ZBTB7C: variants seen among roughly 807,000 people sequenced by gnomAD.
ZBTB7C encodes the protein zinc finger and BTB domain-containing protein 7C.
ZBTB7C carries 8 observed loss-of-function variants against 25.7 expected under a neutral mutation model. That is an observed-to-expected ratio of 0.31 (90% CI 0.18 to 0.56). The LOEUF is 0.56. Ranked by LOEUF, ZBTB7C falls within the 20% of genes least tolerant of loss-of-function variation. The probability of loss-of-function intolerance (pLI) is 0.91; values close to 1 mark genes in which losing one functional copy is unlikely to be tolerated. For synonymous variants in ZBTB7C, 394 were observed against 369.0 expected, an observed-to-expected ratio of 1.07 and a Z score of -0.78; for missense variants, 824 against 855.2, an observed-to-expected ratio of 0.96 and a Z score of 0.46.
chr18:48,404,636 C>T (rs896405258), intron 1 of ZBTB7C, among the ~76,000 whole-genome samples: 3 of 152,160 alleles, frequency 2.0e-5, no homozygotes, highest in Non-Finnish European at 2.9e-5. Flanking sequence ...TATGGAGGGG[C>T]CAATCAACTT....
In ZBTB7C at chr18:48,040,754, G is replaced by A. The variant is rs1319689806; in HGVS notation, c.354C>T (p.Cys118=). Residue 118 remains cysteine, a synonymous_variant, in exon 4 of 5, where the codon TGC becomes TGT. Coordinates refer to ENST00000590800, the MANE Select transcript of ZBTB7C (RefSeq NM_001318841.2). The part of the protein sequence containing the change: ...LNAARMLEIQ[C]IVNVCLEIME... ...TGATCTCCAGGCACACGTTCACGAT[G>A]CACTGGATCTCCAGCATCCTGGCTG... 1 of 1,613,958 alleles carries A rather than the reference G, an allele frequency of 6.2e-7. No individual in the cohort carries two copies. The highest frequency in any genetic ancestry group is 1.3e-5 in the African/African-American group (1 of 74,976).
intron 2 of ZBTB7C, among the ~76,000 whole-genome samples, chr18:48,331,818 G>T (rs1046639556): frequency 6.6e-6 from 1 of 152,184 alleles, no homozygotes; most frequent in African/African-American, 2.4e-5. Flanking sequence ...CTCTAATGGT[G>T]AAATTTCAGG....
At chr18:48,260,335 T>G (rs1399782732) in intron 2 of ZBTB7C, among the ~76,000 whole-genome samples, 1 of 152,236 alleles carries the variant, frequency 6.6e-6, no homozygotes, top group Non-Finnish European at 1.5e-5. Context: ...GAGCATTCCC[T>G]TCCCCCTGGG....
intron 3 of ZBTB7C, among the ~76,000 whole-genome samples, chr18:48,174,861 A>G (rs955274041): frequency 6.6e-6 from 1 of 152,250 alleles, no homozygotes; most frequent in Non-Finnish European, 1.5e-5. Flanking sequence ...AGAAGGGGAA[A>G]TAAGACAACA....
intron 1 of ZBTB7C, among the ~76,000 whole-genome samples, chr18:48,372,492 T>G (rs1335288514): frequency 6.6e-6 from 1 of 152,188 alleles, no homozygotes; most frequent in Non-Finnish European, 1.5e-5. Context: ...TTCTCCTCCC[T>G]GCCATTGTGA....
At chr18:48,137,193 C>A in intron 3 of ZBTB7C, 2 of 985,562 alleles carry the variant, frequency 2.0e-6, no homozygotes, top group Non-Finnish European at 2.4e-6. Flanking sequence ...CACTCCCTCC[C>A]CACCCTCCAA....
At chr18:48,204,389 G>T (rs1325510559) in intron 2 of ZBTB7C, among the ~76,000 whole-genome samples, 1 of 152,098 alleles carries the variant, frequency 6.6e-6, no homozygotes, top group Non-Finnish European at 1.5e-5. Context: ...GGCCTTCTGG[G>T]CTGCTTCTAA....
At chr18:48,075,028 T>C (rs1361045375) in intron 3 of ZBTB7C, among the ~76,000 whole-genome samples, 1 of 152,194 alleles carries the variant, frequency 6.6e-6, no homozygotes, top group African/African-American at 2.4e-5. Flanking sequence ...AAATAGGTCA[T>C]CTATCAAAGT....
At chr18:48,187,541 T>C (rs1156670100) in intron 2 of ZBTB7C, among the ~76,000 whole-genome samples, 1 of 152,080 alleles carries the variant, frequency 6.6e-6, no homozygotes, top group Admixed American at 6.5e-5. Flanking sequence ...AGGCCGGGCA[T>C]GGTGGCTCAT....
At chr18:48,264,063 A>T (rs2044244298) in intron 2 of ZBTB7C, among the ~76,000 whole-genome samples, 1 of 152,164 alleles carries the variant, frequency 6.6e-6, no homozygotes, top group African/African-American at 2.4e-5. Flanking sequence ...CACTGTTGGG[A>T]CTTCATCCTA....
intron 1 of ZBTB7C, among the ~76,000 whole-genome samples, chr18:48,399,340 G>A (rs1226285942): frequency 6.6e-6 from 1 of 152,208 alleles, no homozygotes; most frequent in East Asian, 1.9e-4. Flanking sequence ...CCATGGAGGT[G>A]TTGACCTATT....
chr18:48,137,117 C>G, intron 3 of ZBTB7C: 1 of 985,472 alleles, frequency 1.0e-6, no homozygotes, highest in Non-Finnish European at 1.2e-6. Context: ...CTGCCGCAGC[C>G]GGCGGGAGGT....
intron 2 of ZBTB7C, among the ~76,000 whole-genome samples, chr18:48,290,566 G>T (rs1235046098): frequency 1.3e-5 from 2 of 152,246 alleles, no homozygotes; most frequent in East Asian, 3.9e-4. Flanking sequence ...TGGTGTTTTT[G>T]AGGGTCATTA....
At chr18:48,410,386 G>A (rs1205383122), upstream of ZBTB7C, among the ~76,000 whole-genome samples, 1 of 152,208 alleles carries the variant, frequency 6.6e-6, no homozygotes, top group Non-Finnish European at 1.5e-5. Context: ...CCTGGAAGGC[G>A]GCCTTCCGAA....
chr18:48,305,350 G>A lies in ZBTB7C; in HGVS notation c.-79+32824C>T, dbSNP rs144454060. The stretch of plus-strand genomic sequence containing the variant: ...TAGTGAGTAGGAATCTGTGATTTAC[G>A]TGGGACTGTCAGGTCCCCAGGATGG... On this transcript the variant is annotated intron_variant, in intron 2 of 4. Coordinates refer to ENST00000590800, the MANE Select transcript of ZBTB7C (RefSeq NM_001318841.2). Among the ~76,000 whole-genome samples the A allele has an allele frequency of 8.7e-3, 1,332 of 152,290 alleles. 20 individuals are homozygous for A. Among genetic ancestry groups the A allele is most frequent in the African/African-American group, 0.031 (1,277 of 41,552 alleles).
chr18:48,061,191 A>T (rs545342670), intron 3 of ZBTB7C, among the ~76,000 whole-genome samples: 4 of 152,248 alleles, frequency 2.6e-5, no homozygotes, highest in Non-Finnish European at 5.9e-5. Flanking sequence ...ATGTGTACAC[A>T]GATGCAAAGT....
chr18:48,354,825 C>T (rs937879453), intron 1 of ZBTB7C, among the ~76,000 whole-genome samples: 3 of 152,172 alleles, frequency 2.0e-5, no homozygotes, highest in Non-Finnish European at 2.9e-5. Context: ...ACAGAGGGGA[C>T]TGAATAAACG....
intron 2 of ZBTB7C, among the ~76,000 whole-genome samples, chr18:48,235,288 T>A (rs1353933208): frequency 1.3e-5 from 2 of 152,186 alleles, no homozygotes; most frequent in South Asian, 2.1e-4. Context: ...TATAGTTTCC[T>A]CTTCTGTTTT....
At chr18:48,393,933 G>A (rs1292351507) in intron 1 of ZBTB7C, among the ~76,000 whole-genome samples, 1 of 152,148 alleles carries the variant, frequency 6.6e-6, no homozygotes, top group Non-Finnish European at 1.5e-5. Flanking sequence ...CATCAAAAGA[G>A]CAAAGCAGAG....
Sources: gnomAD v4.1 joint callset for allele counts (sites outside exome capture counted in the v4.1 genomes callset) on GRCh38, gnomAD v4.1.1 for gene constraint, MANE v1.5 for transcripts, NCBI Gene and HGNC (gene_info 2026-07-23, HGNC 2026-07-21) for gene names.